The following UBE4B variants were observed in gnomAD, a reference collection of about 807,000 sequenced individuals.
The protein encoded by UBE4B is ubiquitin conjugation factor E4 B.
UBE4B carries 27 observed loss-of-function variants against 148.1 expected under a neutral mutation model. That is an observed-to-expected ratio of 0.18 (90% CI 0.13 to 0.25). The LOEUF (loss-of-function observed/expected upper bound fraction) is 0.25. Ranked by LOEUF, UBE4B falls within the 10% of genes least tolerant of loss-of-function variation. The probability of loss-of-function intolerance (pLI) is 1.00; values close to 1 mark genes in which losing one functional copy is unlikely to be tolerated. For synonymous variants in UBE4B, 596 were observed against 619.3 expected (o/e 0.96, Z 0.56); for missense variants, 1,170 against 1,662.4 (o/e 0.70, Z 5.15).
At chr1:10,075,784 G>A (rs1444295762) in intron 2 of UBE4B, among the ~76,000 whole-genome samples, 1 of 152,178 alleles carries the variant, frequency 6.6e-6, no homozygotes, top group Non-Finnish European at 1.5e-5. Context: ...AGGTGCAGTG[G>A]CTCATGCCTG....
chr1:10,133,377 A>G (rs1645627628), intron 15 of UBE4B, among the ~76,000 whole-genome samples: 1 of 152,144 alleles, frequency 6.6e-6, no homozygotes, highest in East Asian at 1.9e-4. Context: ...CTGCGGTACT[A>G]CTGGTACTGG....
In UBE4B at chr1:10,136,823, G is replaced by A. The variant is rs181477543; in HGVS notation, c.2225-244G>A. ...AATCCCAGCTTACTAGGGAGGCTGA[G>A]GCAGGAGAATCACTTGAACCTGGGA... On this transcript the variant is annotated intron_variant, in intron 16 of 27. Coordinates refer to ENST00000343090, the MANE Select transcript of UBE4B (RefSeq NM_001105562.3). Among the ~76,000 whole-genome samples, 13 of 152,278 alleles carry A rather than the reference G, an allele frequency of 8.5e-5. No homozygotes were observed. In the East Asian group the frequency reaches 1.9e-3, roughly 23 times the overall value.
At chr1:10,076,385 A>G (rs1644581170) in intron 2 of UBE4B, among the ~76,000 whole-genome samples, 4 of 151,846 alleles carry the variant, frequency 2.6e-5, no homozygotes, top group Admixed American at 2.6e-4. Context: ...GCTGGATTAC[A>G]GGTGCCCACC....
intron 1 of UBE4B, among the ~76,000 whole-genome samples, chr1:10,043,639 A>G (rs1643858808): frequency 6.6e-6 from 1 of 151,540 alleles, no homozygotes; most frequent in Non-Finnish European, 1.5e-5. Context: ...CGTGTTAGCC[A>G]GGATGGTCTC....
chr1:10,076,196 G>GTGAT (rs1362284897), intron 2 of UBE4B, among the ~76,000 whole-genome samples: 2 of 151,726 alleles, frequency 1.3e-5, no homozygotes, highest in East Asian at 3.9e-4. Context: ...TCCACCGAAT[G>GTGAT]TGATTGAGAG....
At chr1:10,157,647 G>A (rs192938649) in intron 21 of UBE4B, among the ~76,000 whole-genome samples, 8 of 152,050 alleles carry the variant, frequency 5.3e-5, no homozygotes, top group African/African-American at 1.2e-4. Flanking sequence ...GCGTGGTGGC[G>A]CATGTCTATA....
At chr1:10,116,613 T>C (rs1039045425) in intron 7 of UBE4B, among the ~76,000 whole-genome samples, 2 of 152,242 alleles carry the variant, frequency 1.3e-5, no homozygotes, top group African/African-American at 2.4e-5. Flanking sequence ...TTATGTGGCC[T>C]GTCAATGGTT....
chr1:10,135,761 A>G (rs1645672071), intron 16 of UBE4B, among the ~76,000 whole-genome samples: 1 of 151,348 alleles, frequency 6.6e-6, no homozygotes, highest in African/African-American at 2.4e-5. Context: ...ACAGATACAA[A>G]TTGAAAAAAA....
intron 1 of UBE4B, among the ~76,000 whole-genome samples, chr1:10,056,282 CAGAACCCTACACAAAGG>C (rs1644166479): frequency 6.6e-6 from 1 of 152,100 alleles, no homozygotes; most frequent in Non-Finnish European, 1.5e-5. Context: ...TTAGATAAAG[CAGAACCCTACACAAAGG>C]GGAAACTGAG....
intron 2 of UBE4B, among the ~76,000 whole-genome samples, chr1:10,088,662 C>T (rs952846956): frequency 1.1e-4 from 16 of 151,822 alleles, no homozygotes; most frequent in African/African-American, 1.9e-4. Context: ...TGAGCCACCA[C>T]GCCTGACCGT....
At chr1:10,054,721 T>C (rs1042288206) in intron 1 of UBE4B, 1 of 248,024 alleles carries the variant, frequency 4.0e-6, no homozygotes, top group Admixed American at 4.1e-5. Context: ...ATGGTAACAC[T>C]TGCGGGGCAT....
chr1:10,111,510 C>T (rs1363622705), intron 7 of UBE4B, among the ~76,000 whole-genome samples: 1 of 152,176 alleles, frequency 6.6e-6, no homozygotes, highest in African/African-American at 2.4e-5. Context: ...ACACACGCAC[C>T]CATGCACGCA....
chr1:10,084,662 C>T (rs143806913), intron 2 of UBE4B, among the ~76,000 whole-genome samples: 2 of 152,012 alleles, frequency 1.3e-5, no homozygotes, highest in African/African-American at 4.8e-5. Flanking sequence ...TCGCCATCTC[C>T]CTTTAGTTTT....
chr1:10,135,791 T>C (rs1049731243), intron 16 of UBE4B, among the ~76,000 whole-genome samples: 1 of 144,926 alleles, frequency 6.9e-6, no homozygotes, highest in Admixed American at 6.8e-5. Flanking sequence ...TATCATAATA[T>C]ATCTATAAAA....
chr1:10,089,219 A>C (rs987091207), intron 2 of UBE4B, among the ~76,000 whole-genome samples: 4 of 151,780 alleles, frequency 2.6e-5, no homozygotes, highest in African/African-American at 9.7e-5. Flanking sequence ...ATTGGCCAGG[A>C]TGGTTTCGAT....
chr1:10,101,005 C>T, intron 3 of UBE4B, 103 bp from the exon 4 acceptor site: 1 of 967,988 alleles, frequency 1.0e-6, no homozygotes, highest in Non-Finnish European at 1.6e-6. Flanking sequence ...ATTTTCCTTT[C>T]CTGATTAACT....
chr1:10,092,407 T>C (rs900173663), intron 2 of UBE4B, among the ~76,000 whole-genome samples: 1 of 151,912 alleles, frequency 6.6e-6, no homozygotes, highest in Non-Finnish European at 1.5e-5. Context: ...GTATTTTTAG[T>C]AGAGACAGAG....
At chr1:10,155,542 C>T (rs1646055659) in intron 21 of UBE4B, among the ~76,000 whole-genome samples, 1 of 152,156 alleles carries the variant, frequency 6.6e-6, no homozygotes, top group African/African-American at 2.4e-5. Flanking sequence ...TGTGAGGGTA[C>T]CCCTGAGGGA....
At chr1:10,045,614 C>A (rs1428625861) in intron 1 of UBE4B, among the ~76,000 whole-genome samples, 5 of 152,158 alleles carry the variant, frequency 3.3e-5, no homozygotes, top group Non-Finnish European at 7.3e-5. Flanking sequence ...GTGGACAAAA[C>A]AGAAATCTCT....
Sources: allele counts gnomAD v4.1 joint callset (sites outside exome capture counted in the v4.1 genomes callset), GRCh38; gene constraint gnomAD v4.1.1; transcripts MANE v1.5; gene names NCBI Gene and HGNC (gene_info 2026-07-23, HGNC 2026-07-21).